RAVER1: variants seen among roughly 807,000 people sequenced by gnomAD.
The protein encoded by RAVER1 is ribonucleoprotein PTB-binding 1.
RAVER1 carries 36 observed loss-of-function variants against 68.4 expected under a neutral mutation model. The observed-to-expected ratio is 0.53, with a 90% CI of 0.40 to 0.70. The LOEUF (loss-of-function observed/expected upper bound fraction) is 0.70, where lower values mean the gene tolerates loss of function less well. Ranked by LOEUF, RAVER1 falls within the 30% of genes least tolerant of loss-of-function variation. The probability of loss-of-function intolerance (pLI) is 0.00; values close to 1 mark genes in which losing one functional copy is unlikely to be tolerated. For missense variants in RAVER1, 933 were observed against 1,019.8 expected, an observed-to-expected ratio of 0.91 and a Z score of 1.16; for synonymous variants, 469 against 472.7, an observed-to-expected ratio of 0.99 and a Z score of 0.10.
At position 10,331,087 on chromosome 19, in the gene RAVER1, C is replaced by A. The variant is rs915595733; in HGVS notation, c.220-561G>T. Among the ~76,000 whole-genome samples the A allele has an allele frequency of 8.6e-5, 13 of 151,610 alleles. No homozygotes were observed. In the South Asian group the frequency reaches 1.7e-3, roughly 19 times the overall value. ...CAACAAGGCCGGGCGCGGTGGCTCA[C>A]GCCTGTAATCCCAGCACTTTGGGAG... On this transcript the variant is annotated intron_variant, in intron 1 of 12. Transcript: ENST00000617231.
In RAVER1 at chr19:10,322,767, G is replaced by C; in HGVS notation, c.1079-28C>G. ...GGAGGGAGACATAGGAGGATGTGTG[G>C]GGGTCCCTGTGTCCTCCCTGCCCCA... On this transcript the variant is annotated intron_variant, in intron 5 of 12. Transcript: ENST00000617231. The surrounding 1 kb of genome is among the most constrained non-coding windows in gnomAD (Gnocchi z 4.3). The C allele has an allele frequency of 2.2e-6, 3 of 1,347,606 alleles. No homozygotes were observed. Among genetic ancestry groups the C allele is most frequent in the Non-Finnish European group, 2.9e-6 (3 of 1,019,416 alleles). The allele number at this position is 1,347,606 out of a possible 1,614,324, so 83.5% of individuals were successfully genotyped here.
chr19:10,319,199 T>C lies in RAVER1; in HGVS notation c.1812A>G (p.Pro604=). ...GGCTGGGTCCGTGAGGCCCAAGGGC[T>C]GGTTCCCGTGGGTGGGAGAAGAGCC... ...PRRLFSHPRE[P]ALGPHGPSRH... The change falls in exon 10 of 13, where the codon CCA becomes CCG. Residue 604 remains proline, a synonymous_variant. Transcript: ENST00000617231. 6.2e-7 allele frequency: 1 copy of C among 1,613,884 alleles called. No individual in the cohort carries two copies. Among genetic ancestry groups the C allele is most frequent in the Non-Finnish European group, 8.5e-7 (1 of 1,179,780 alleles).
chr19:10,320,562 T>A, intron 9 of RAVER1, 93 bp downstream of exon 9: 7 of 933,030 alleles, frequency 7.5e-6, no homozygotes, highest in Non-Finnish European at 9.2e-6. Context: ...GCCGCCTCCC[T>A]AGCACATGGC....
At chr19:10,319,022 G>T in intron 10 of RAVER1, 144 bp downstream of exon 10, 1 of 706,326 alleles carries the variant, frequency 1.4e-6, no homozygotes, top group Non-Finnish European at 2.4e-6. Flanking sequence ...TCCAGCCTGG[G>T]CAACACAGTG....
At chr19:10,320,524 AGC>A in intron 9 of RAVER1, 129 bp downstream of exon 9, 2 of 732,932 alleles carry the variant, frequency 2.7e-6, no homozygotes, top group Non-Finnish European at 4.2e-6. Flanking sequence ...AAAAAAAAAA[AGC>A]AGAGACCATA....
Position 10,321,030 on chromosome 19 carries a change from C to A in RAVER1, c.1473+18G>T. On this transcript the variant is annotated intron_variant, in intron 8 of 12. Transcript: ENST00000617231. Reference sequence around the variant, plus strand: ...AACAGGAGGCTGGTGTGGTGCCGCGCGCAGGGCAGGGCCTTACCCCAGGGG... The same window carrying A: ...AACAGGAGGCTGGTGTGGTGCCGCGAGCAGGGCAGGGCCTTACCCCAGGGG... 1.4e-6 allele frequency: 2 copies of A among 1,450,702 alleles called. No individual in the cohort carries two copies. The highest frequency in any genetic ancestry group is 1.5e-5 in the South Asian group (1 of 65,188). 89.9% of individuals were successfully genotyped at this position (1,450,702 alleles called of 1,614,324 possible). A position where few individuals can be genotyped will look rare whatever the true frequency, so the allele number is the denominator to read the frequency against.
intron 9 of RAVER1, 151 bp downstream of exon 9, chr19:10,320,504 T>TAA (rs773652670): frequency 0.01 from 4,894 of 470,010 alleles, no homozygotes; most frequent in Non-Finnish European, 0.012. Flanking sequence ...ACCCTGTCTC[T>TAA]AAAAAAAAAA....
At chr19:10,325,765 C>T (rs2040470063) in intron 3 of RAVER1, among the ~76,000 whole-genome samples, 1 of 151,720 alleles carries the variant, frequency 6.6e-6, no homozygotes, top group Admixed American at 6.6e-5. Flanking sequence ...GTGTACTCCT[C>T]CAGCCTGGGT....
At chr19:10,319,327 G>T in intron 9 of RAVER1, 87 bp from the exon 10 acceptor site, 1 of 1,348,224 alleles carries the variant, frequency 7.4e-7, no homozygotes, top group Non-Finnish European at 1.0e-6. Context: ...TGTCATCAGG[G>T]AAGACAGTCC....
At chr19:10,332,375 G>A (rs983598436) in intron 1 of RAVER1, among the ~76,000 whole-genome samples, 1 of 152,176 alleles carries the variant, frequency 6.6e-6, no homozygotes, top group Non-Finnish European at 1.5e-5. Context: ...GAGAGACAAT[G>A]TGTTCCCAGC....
Position 10,322,586 on chromosome 19 carries a change from G to C in RAVER1, c.1173+59C>G, listed in dbSNP as rs558162402. ...CCCCACCCCACCGATCGCACCAGCT[G>C]TGTTGAAAAGAGCCTGTAGGGGCTG... On this transcript the variant is annotated intron_variant, in intron 6 of 12. Coordinates refer to ENST00000617231, the MANE Select transcript of RAVER1 (RefSeq NM_133452.3). The surrounding 1 kb of genome is among the most constrained non-coding windows in gnomAD (Gnocchi z 4.3). 9.8e-6 allele frequency: 12 copies of C among 1,227,382 alleles called. No individual in the cohort carries two copies. The highest frequency in any genetic ancestry group is 1.3e-5 in the Non-Finnish European group (12 of 892,026). 76.0% of individuals were successfully genotyped at this position (1,227,382 alleles called of 1,614,324 possible). A position where few individuals can be genotyped will look rare whatever the true frequency, so the allele number is the denominator to read the frequency against.
At chr19:10,327,580 T>C (rs1186945772) in intron 3 of RAVER1, among the ~76,000 whole-genome samples, 2 of 152,154 alleles carry the variant, frequency 1.3e-5, no homozygotes, top group Non-Finnish European at 2.9e-5. Context: ...GCCTCTGCAC[T>C]GGCCTCCGCT....
chr19:10,319,277 C>A (rs1326339239), intron 9 of RAVER1, 37 bp from the exon 10 acceptor site: 1 of 1,594,184 alleles, frequency 6.3e-7, no homozygotes, highest in East Asian at 2.2e-5. Context: ...GGGTTGGAGT[C>A]TGTCCCAGCC....
At position 10,321,141 on chromosome 19, in the gene RAVER1, G is replaced by A; in HGVS notation, c.1380C>T (p.Ala460=). 1 of 1,290,832 alleles carries A rather than the reference G, an allele frequency of 7.7e-7. No homozygotes were observed. Among genetic ancestry groups the A allele is most frequent in the East Asian group, 3.1e-5 (1 of 31,890 alleles). The allele number at this position is 1,290,832 out of a possible 1,614,324, so 80.0% of individuals were successfully genotyped here. A position where few individuals can be genotyped will look rare whatever the true frequency, so the allele number is the denominator to read the frequency against. The change falls in exon 8 of 13, where the codon GCC becomes GCT. Residue 460 remains alanine (A), a synonymous_variant. Coordinates refer to ENST00000617231, the MANE Select transcript of RAVER1 (RefSeq NM_133452.3). ...REALGLGPPA[A]QLTPPPAPVG... ...CAGGGGCGGGGGGAGGAGTGAGCTG[G>A]GCCGCTGGGGGACCCAAGCCCAGGG...
Position 10,333,122 on chromosome 19 carries a change from GC to G in RAVER1, c.219+166del, listed in dbSNP as rs370557236. 2.0e-5 allele frequency among the ~76,000 whole-genome samples: 3 copies of G among 148,330 alleles called. No individual in the cohort carries two copies. The highest frequency in any genetic ancestry group is 4.5e-5 in the Non-Finnish European group (3 of 66,968). On this transcript the variant is annotated intron_variant, in intron 1 of 12. Coordinates refer to ENST00000617231, the MANE Select transcript of RAVER1 (RefSeq NM_133452.3). The surrounding 1 kb of genome is among the most constrained non-coding windows in gnomAD (Gnocchi z 4.2). The stretch of plus-strand genomic sequence containing the variant: ...GCAGTCGGTTTCCCCTTTCATCATC[GC>G]CCCCCCACGTCCCGCTCTTGGTCTC...
At position 10,328,483 on chromosome 19, in the gene RAVER1, C is replaced by T. The variant is rs1033725882; in HGVS notation, c.756+159G>A. ...AAGAGAATTGCTTGAACCAAAGAGG[C>T]GGAGGTTGCAGTGAACTGAGATTGT... is the stretch of plus-strand genomic sequence containing the variant. On this transcript the variant is annotated intron_variant, in intron 3 of 12. Transcript: ENST00000617231. This position sits in a 1 kb window ranked among gnomAD's most constrained non-coding sequence, Gnocchi z 4.4. Among the ~76,000 whole-genome samples the T allele has an allele frequency of 2.6e-5, 4 of 151,838 alleles. No individual in the cohort carries two copies. Among genetic ancestry groups the T allele is most frequent in the Non-Finnish European group, 5.9e-5 (4 of 67,988 alleles).
intron 3 of RAVER1, among the ~76,000 whole-genome samples, chr19:10,325,266 C>A (rs2040466850): frequency 6.6e-6 from 1 of 152,092 alleles, no homozygotes; most frequent in Non-Finnish European, 1.5e-5. Flanking sequence ...GCTCTGCCAC[C>A]CAGACTGGAA....
In RAVER1 at chr19:10,329,611, T is replaced by G. The variant is rs756254005; in HGVS notation, c.287-500A>C. 1.3e-5 allele frequency among the ~76,000 whole-genome samples: 2 copies of G among 152,040 alleles called. No individual in the cohort carries two copies. The highest frequency in any genetic ancestry group is 4.8e-5 in the African/African-American group (2 of 41,376). On this transcript the variant is annotated intron_variant, in intron 2 of 12. Transcript: ENST00000617231. The surrounding 1 kb of genome is among the most constrained non-coding windows in gnomAD (Gnocchi z 4.6). ...TGGACTTGAACCCAGGCAGCCGGAC[T>G]CCAGAGGCCCACTCTACACACTGCC...
intron 1 of RAVER1, among the ~76,000 whole-genome samples, chr19:10,331,069 G>A (rs565710523): frequency 3.3e-5 from 5 of 151,186 alleles, no homozygotes; most frequent in Admixed American, 1.3e-4. Context: ...TAACAACAAG[G>A]CCGGGCGCGG....
Sources: allele counts gnomAD v4.1 joint callset (sites outside exome capture counted in the v4.1 genomes callset), GRCh38; gene constraint gnomAD v4.1.1; non-coding constraint Gnocchi (gnomAD v3.1); transcripts MANE v1.5; gene names NCBI Gene and HGNC (gene_info 2026-07-23, HGNC 2026-07-21).